Variants in CFAP299 observed in about 807,000 individuals in gnomAD.
CFAP299 encodes the protein cilia- and flagella-associated protein 299.
A neutral mutation model predicts 27.0 loss-of-function variants in CFAP299; 21 were observed. The observed-to-expected ratio is 0.78, with a 90% CI of 0.55 to 1.12. The LOEUF (loss-of-function observed/expected upper bound fraction) is 1.12, where lower values mean the gene tolerates loss of function less well. Ranked by LOEUF, CFAP299 falls within the 50% of genes most tolerant of loss-of-function variation. The pLI is 0.00. For missense variants in CFAP299, 310 were observed against 276.6 expected (o/e 1.12, Z -0.86); for synonymous variants, 104 against 98.1 (o/e 1.06, Z -0.36).
chr4:80,590,424 G>T (rs552338602), intron 3 of CFAP299, among the ~76,000 whole-genome samples: 1 of 152,248 alleles, frequency 6.6e-6, no homozygotes, highest in South Asian at 2.1e-4. Flanking sequence ...AGATCACGAG[G>T]TCAGGAGTTC....
intron 4 of CFAP299, among the ~76,000 whole-genome samples, chr4:80,875,245 C>G (rs1180245295): frequency 6.6e-6 from 1 of 152,240 alleles, no homozygotes; most frequent in East Asian, 1.9e-4. Flanking sequence ...GTCATTGGAC[C>G]AGATCTGCCT....
At chr4:80,716,079 T>C (rs1722462459) in intron 3 of CFAP299, among the ~76,000 whole-genome samples, 1 of 152,006 alleles carries the variant, frequency 6.6e-6, no homozygotes, top group Non-Finnish European at 1.5e-5. Flanking sequence ...TGGGAGTAGT[T>C]ACCTAAAAGC....
At chr4:80,385,778 C>G (rs1724941904) in intron 2 of CFAP299, among the ~76,000 whole-genome samples, 1 of 152,244 alleles carries the variant, frequency 6.6e-6, no homozygotes, top group Non-Finnish European at 1.5e-5. Context: ...GAGTTTATGG[C>G]AGGCTTCCTG....
intron 3 of CFAP299, among the ~76,000 whole-genome samples, chr4:80,678,029 A>T (rs976776761): frequency 3.9e-5 from 6 of 151,930 alleles, no homozygotes; most frequent in African/African-American, 1.4e-4. Flanking sequence ...CTATTTAAGG[A>T]TTCTCTTATA....
intron 3 of CFAP299, among the ~76,000 whole-genome samples, chr4:80,844,073 G>T (rs901257683): frequency 2.6e-5 from 4 of 152,112 alleles, no homozygotes; most frequent in African/African-American, 9.7e-5. Context: ...TCTCTACAAA[G>T]GACGTGAAGT....
intron 3 of CFAP299, among the ~76,000 whole-genome samples, chr4:80,783,219 T>G (rs1001045278): frequency 7.2e-5 from 11 of 152,072 alleles, no homozygotes; most frequent in Non-Finnish European, 1.6e-4. Context: ...AAAAATAAAG[T>G]AAGACAGAAG....
intron 3 of CFAP299, among the ~76,000 whole-genome samples, chr4:80,824,396 A>G (rs1729871028): frequency 6.6e-6 from 1 of 152,098 alleles, no homozygotes; most frequent in African/African-American, 2.4e-5. Flanking sequence ...CTTGTTCTTC[A>G]GGTATTGGGA....
chr4:80,871,321 A>G (rs1431800634), intron 4 of CFAP299: 7 of 985,252 alleles, frequency 7.1e-6, no homozygotes, highest in Non-Finnish European at 7.2e-6. Flanking sequence ...TTTTGGTTGT[A>G]TCTGACCTAC....
At chr4:80,472,497 A>G (rs191980445) in intron 2 of CFAP299, among the ~76,000 whole-genome samples, 14 of 152,326 alleles carry the variant, frequency 9.2e-5, no homozygotes, top group Admixed American at 8.5e-4. Flanking sequence ...ATATTCTGGT[A>G]TAGTGAGTGT....
intron 3 of CFAP299, among the ~76,000 whole-genome samples, chr4:80,799,863 AT>A (rs1198460962): frequency 8.5e-4 from 28 of 32,768 alleles, no homozygotes; most frequent in African/African-American, 3.8e-3. Context: ...ATAAATATAT[AT>A]TATATATATT....
intron 2 of CFAP299, among the ~76,000 whole-genome samples, chr4:80,539,044 T>C (rs1297404118): frequency 6.6e-6 from 1 of 152,218 alleles, no homozygotes; most frequent in Non-Finnish European, 1.5e-5. Flanking sequence ...CTCAGGGAAG[T>C]ATGCAATTTG....
At chr4:80,493,197 G>T (rs1731229531) in intron 2 of CFAP299, among the ~76,000 whole-genome samples, 1 of 152,108 alleles carries the variant, frequency 6.6e-6, no homozygotes, top group Non-Finnish European at 1.5e-5. Flanking sequence ...TATAAATAAA[G>T]TTTCAGTGCC....
At chr4:80,485,253 A>G (rs561830238) in intron 2 of CFAP299, among the ~76,000 whole-genome samples, 1 of 149,128 alleles carries the variant, frequency 6.7e-6, no homozygotes, top group South Asian at 2.1e-4. Flanking sequence ...GTATAAATAT[A>G]ATAAAATATA....
intron 3 of CFAP299, among the ~76,000 whole-genome samples, chr4:80,836,240 A>T (rs1730553989): frequency 6.6e-6 from 1 of 152,244 alleles, no homozygotes; most frequent in Non-Finnish European, 1.5e-5. Flanking sequence ...ATGTAAAGTA[A>T]GTTATTGAAA....
chr4:80,787,120 T>A (rs1727289961), intron 3 of CFAP299, among the ~76,000 whole-genome samples: 1 of 151,358 alleles, frequency 6.6e-6, no homozygotes, highest in African/African-American at 2.4e-5. Context: ...AAGTGTGCAG[T>A]GCTGATCCTT....
upstream of CFAP299, among the ~76,000 whole-genome samples, chr4:80,333,238 G>A (rs1178620924): frequency 6.6e-6 from 1 of 152,096 alleles, no homozygotes; most frequent in Non-Finnish European, 1.5e-5. Flanking sequence ...GAAGTCCAGC[G>A]ATCTCATCAC....
intron 2 of CFAP299, among the ~76,000 whole-genome samples, chr4:80,544,384 C>T (rs1734136816): frequency 6.6e-6 from 1 of 151,958 alleles, no homozygotes; most frequent in Admixed American, 6.6e-5. Context: ...ATTTGGAACA[C>T]AAACAGGCCA....
At chr4:80,478,808 A>C (rs1022201925) in intron 2 of CFAP299, among the ~76,000 whole-genome samples, 1 of 150,166 alleles carries the variant, frequency 6.7e-6, no homozygotes, top group African/African-American at 2.4e-5. Context: ...TTAAAGTCGT[A>C]TTTGGTGTGG....
chr4:80,416,981 A>G (rs1017437337), intron 2 of CFAP299, among the ~76,000 whole-genome samples: 12 of 152,206 alleles, frequency 7.9e-5, no homozygotes, highest in Non-Finnish European at 1.0e-4. Context: ...GGAACAAGGA[A>G]TGGCTACTCC....
Sources: gnomAD v4.1 joint callset for allele counts (sites outside exome capture counted in the v4.1 genomes callset) on GRCh38, gnomAD v4.1.1 for gene constraint, MANE v1.5 for transcripts, NCBI Gene and HGNC (gene_info 2026-07-23, HGNC 2026-07-21) for gene names.